Variants in DNAJB13 observed in about 807,000 individuals in gnomAD.
DNAJB13 encodes dnaJ homolog subfamily B member 13.
Under a neutral mutation model 35.6 loss-of-function variants are expected in DNAJB13, and 22 were observed. The ratio of observed to expected loss-of-function variants is 0.62; its 90% confidence interval spans 0.44 to 0.88. The LOEUF (loss-of-function observed/expected upper bound fraction) is 0.88. DNAJB13 is among the 40% of genes least tolerant of loss of function. The pLI is 0.00. For synonymous variants in DNAJB13, 136 were observed against 144.2 expected (o/e 0.94, Z 0.41); for missense variants, 370 against 384.3 (o/e 0.96, Z 0.31).
At chr11:73,953,254 C>T (rs560385331) in intron 1 of DNAJB13, among the ~76,000 whole-genome samples, 2 of 152,060 alleles carry the variant, frequency 1.3e-5, no homozygotes, top group East Asian at 1.9e-4. Context: ...GGCCGGGCAC[C>T]GTGGCTCATG....
At chr11:73,955,602 A>C (rs926877766) in intron 1 of DNAJB13, among the ~76,000 whole-genome samples, 13 of 151,934 alleles carry the variant, frequency 8.6e-5, no homozygotes, top group African/African-American at 1.2e-4. Context: ...TGAGATGGGC[A>C]GATCACTTGA....
chr11:73,955,133 A>T (rs953845158), intron 1 of DNAJB13, among the ~76,000 whole-genome samples: 3 of 151,940 alleles, frequency 2.0e-5, no homozygotes, highest in African/African-American at 4.8e-5. Flanking sequence ...AGGAAGAAAA[A>T]CATCATGATA....
chr11:73,955,129 A>G lies in DNAJB13; in HGVS notation c.69-3188A>G, dbSNP rs577864937. On this transcript the variant is annotated intron_variant, in intron 1 of 7. Transcript: ENST00000339764. Reference sequence around the variant, plus strand: ...AAAGAGCTAAACTTATATAAGGAAGAAAAACATCATGATAGTTTATAATTG... The same window carrying G: ...AAAGAGCTAAACTTATATAAGGAAGGAAAACATCATGATAGTTTATAATTG... Among the ~76,000 whole-genome samples, 48 of 152,072 alleles carry G rather than the reference A, an allele frequency of 3.2e-4. 1 individual carries two copies. In the South Asian group the frequency reaches 8.9e-3, roughly 28 times the overall value.
chr11:73,953,217 C>T (rs1175875669), intron 1 of DNAJB13, among the ~76,000 whole-genome samples: 12 of 152,080 alleles, frequency 7.9e-5, no homozygotes, highest in Non-Finnish European at 1.5e-5. Flanking sequence ...CAGAGCAACA[C>T]CTGTCTCAAA....
chr11:73,966,400 G>T (rs892414214), intron 5 of DNAJB13, 149 bp downstream of exon 5: 4 of 714,026 alleles, frequency 5.6e-6, no homozygotes, highest in South Asian at 5.1e-5. Context: ...TGGGTGAGAT[G>T]GGATCCCTAA....
Position 73,968,332 on chromosome 11 carries a change from G to C in DNAJB13, c.607-13G>C, listed in dbSNP as rs375445339. ...CAACTAGTCCTTGTCACCTTTTGGC[G>C]TCCCCTGCCCAGGGCCCCAACATCA... On this transcript the variant is annotated splice_polypyrimidine_tract_variant and intron_variant, in intron 5 of 7. Coordinates refer to ENST00000339764, the MANE Select transcript of DNAJB13 (RefSeq NM_153614.4). 1 of 1,613,384 alleles carries C rather than the reference G, an allele frequency of 6.2e-7. No individual in the cohort carries two copies. The highest frequency in any genetic ancestry group is 1.7e-5 in the Admixed American group (1 of 60,012).
intron 6 of DNAJB13, 119 bp from the exon 7 acceptor site, chr11:73,969,127 C>A: frequency 1.8e-6 from 1 of 548,366 alleles, no homozygotes; most frequent in Non-Finnish European, 3.2e-6. Flanking sequence ...TATTGAACAG[C>A]CTCGTCTCCC....
chr11:73,969,152 C>T, intron 6 of DNAJB13, 94 bp from the exon 7 acceptor site: 1 of 629,898 alleles, frequency 1.6e-6, no homozygotes, highest in Non-Finnish European at 2.8e-6. Flanking sequence ...GCCCAACTCA[C>T]AGTCTGGCAC....
At chr11:73,959,830 A>G (rs1950877980) in intron 3 of DNAJB13, 175 bp downstream of exon 3, 5 of 536,884 alleles carry the variant, frequency 9.3e-6, no homozygotes, top group Non-Finnish European at 1.4e-5. Context: ...TAGTGGGATC[A>G]TGGCTTACTG....
At chr11:73,951,202 A>G in intron 1 of DNAJB13, 65 bp downstream of exon 1, 2 of 1,592,908 alleles carry the variant, frequency 1.3e-6, no homozygotes, top group Non-Finnish European at 1.7e-6. Context: ...CTTCTCTTCC[A>G]AAACGAGCTT....
intron 3 of DNAJB13, 66 bp from the exon 4 acceptor site, chr11:73,964,812 T>TGTGTGTGTGTGTGC (rs1491290663): frequency 2.1e-5 from 15 of 698,304 alleles, no homozygotes; most frequent in East Asian, 1.9e-4. Flanking sequence ...TGTGTGTGTG[T>TGTGTGTGTGTGTGC]GCGCGCGCGC....
chr11:73,957,640 A>G (rs1292481512), intron 1 of DNAJB13, among the ~76,000 whole-genome samples: 1 of 152,110 alleles, frequency 6.6e-6, no homozygotes, highest in African/African-American at 2.4e-5. Flanking sequence ...TTTCAGGCAA[A>G]TAGCAGAGGA....
intron 3 of DNAJB13, chr11:73,963,614 G>A (rs1950997684): frequency 6.6e-6 from 1 of 152,300 alleles, no homozygotes; most frequent in East Asian, 1.9e-4. Flanking sequence ...CTGGCTATTG[G>A]GGTGTTTACT....
At chr11:73,960,908 T>C (rs1262082928) in intron 3 of DNAJB13, among the ~76,000 whole-genome samples, 1 of 152,174 alleles carries the variant, frequency 6.6e-6, no homozygotes, top group Admixed American at 6.5e-5. Context: ...TGTACAGATG[T>C]CTATTAGGGA....
intron 5 of DNAJB13, among the ~76,000 whole-genome samples, chr11:73,967,195 G>A (rs1340799910): frequency 6.6e-6 from 1 of 151,778 alleles, no homozygotes; most frequent in Non-Finnish European, 1.5e-5. Context: ...GGGTTTCTCC[G>A]TGTTGGCCAG....
At position 73,964,810 on chromosome 11, in the gene DNAJB13, T is replaced by TGCGCGCGC. The variant is rs763008519; in HGVS notation, c.335-67_335-66insCGCGCGCG. The TGCGCGCGC allele has an allele frequency of 1.1e-4, 75 of 705,618 alleles. No homozygotes were observed. In the African/African-American group the frequency reaches 1.4e-3, roughly 13 times the overall value. The allele number at this position is 705,618 out of a possible 1,614,324, so 43.7% of individuals were successfully genotyped here. A position where few individuals can be genotyped will look rare whatever the true frequency, so the allele number is the denominator to read the frequency against. On this transcript the variant is annotated intron_variant, in intron 3 of 7. Transcript: ENST00000339764. ...GTGTGTGTGTGTGTGTGTGTGTGTGTGTGCGCGCGCGCGCATGTCTGGGTC... is the reference window on the plus strand; with the variant it reads ...GTGTGTGTGTGTGTGTGTGTGTGTGTGCGCGCGCGTGCGCGCGCGCGCATGTCTGGGTC...
chr11:73,954,062 C>T (rs943758114), intron 1 of DNAJB13, among the ~76,000 whole-genome samples: 6 of 150,306 alleles, frequency 4.0e-5, no homozygotes, highest in Non-Finnish European at 8.9e-5. Flanking sequence ...CAGTGGCTCA[C>T]ACCTGTAATC....
At chr11:73,954,655 T>A (rs1336396965) in intron 1 of DNAJB13, among the ~76,000 whole-genome samples, 62 of 133,186 alleles carry the variant, frequency 4.7e-4, no homozygotes, top group Non-Finnish European at 6.0e-4. Flanking sequence ...AATAAATAAA[T>A]AAATAAATAA....
In DNAJB13 at chr11:73,960,163, C is replaced by A. The variant is rs375943121; in HGVS notation, c.334+508C>A. ...GAAATACATTCCAGCCCTCCATTTT[C>A]TTTTTCTTTCTTTCTTTTTTATTTT... is the stretch of plus-strand genomic sequence containing the variant. On this transcript the variant is annotated intron_variant, in intron 3 of 7. Coordinates refer to ENST00000339764, the MANE Select transcript of DNAJB13 (RefSeq NM_153614.4). Among the ~76,000 whole-genome samples, 28 of 152,184 alleles carry A rather than the reference C, an allele frequency of 1.8e-4. No individual in the cohort carries two copies. In the East Asian group the frequency reaches 3.3e-3, roughly 18 times the overall value.
Sources: allele counts gnomAD v4.1 joint callset (sites outside exome capture counted in the v4.1 genomes callset), GRCh38; gene constraint gnomAD v4.1.1; transcripts MANE v1.5; gene names NCBI Gene and HGNC (gene_info 2026-07-23, HGNC 2026-07-21).